The following MTMR3 variants were observed in gnomAD, a reference collection of about 807,000 sequenced individuals.
MTMR3 encodes myotubularin related protein 3, also known as phosphatidylinositol-3,5-bisphosphate 3-phosphatase MTMR3.
A neutral mutation model predicts 132.4 loss-of-function variants in MTMR3; 32 were observed. The ratio of observed to expected loss-of-function variants is 0.24; its 90% CI spans 0.18 to 0.32. The LOEUF is 0.32. Ranked by LOEUF, MTMR3 falls within the 10% of genes least tolerant of loss-of-function variation. The probability of loss-of-function intolerance (pLI) is 1.00; values close to 1 mark genes in which losing one functional copy is unlikely to be tolerated. For missense variants in MTMR3, 1,216 were observed against 1,489.6 expected, an observed-to-expected ratio of 0.82 and a Z score of 3.02; for synonymous variants, 556 against 550.3, an observed-to-expected ratio of 1.01 and a Z score of -0.14.
intron 2 of MTMR3, among the ~76,000 whole-genome samples, chr22:29,965,807 C>G (rs1282147996): frequency 6.6e-6 from 1 of 152,078 alleles, no homozygotes; most frequent in Non-Finnish European, 1.5e-5. Context: ...AGTTCAGTGT[C>G]ACTACAGATG....
intron 5 of MTMR3, chr22:29,979,679 C>G (rs1297006675): frequency 6.6e-6 from 1 of 152,454 alleles, no homozygotes; most frequent in Admixed American, 6.5e-5. Flanking sequence ...GGCTTTTATT[C>G]TGCAATCTTT....
chr22:29,894,103 C>T (rs1276231900), intron 1 of MTMR3, among the ~76,000 whole-genome samples: 2 of 152,190 alleles, frequency 1.3e-5, no homozygotes, highest in African/African-American at 4.8e-5. Context: ...TCTTGACCTT[C>T]CAAAGTGCTG....
At chr22:29,942,211 G>C (rs895871407) in intron 1 of MTMR3, among the ~76,000 whole-genome samples, 4 of 152,230 alleles carry the variant, frequency 2.6e-5, no homozygotes, top group African/African-American at 7.2e-5. Flanking sequence ...GTCTAGGGGA[G>C]ATGTCACATG....
At chr22:29,926,820 C>CA (rs748620991) in intron 1 of MTMR3, among the ~76,000 whole-genome samples, 8 of 152,150 alleles carry the variant, frequency 5.3e-5, no homozygotes, top group Non-Finnish European at 1.0e-4. Flanking sequence ...CTTTAAAGCA[C>CA]AAAAATGTTT....
At chr22:30,025,498 A>AT in intron 19 of MTMR3, 132 bp from the exon 20 acceptor site, 1 of 887,666 alleles carries the variant, frequency 1.1e-6, no homozygotes, top group Non-Finnish European at 1.8e-6. Context: ...GGCTAGAGAG[A>AT]TGAAAGGGTT....
chr22:29,921,815 A>T (rs1257920103), intron 1 of MTMR3, among the ~76,000 whole-genome samples: 2 of 151,080 alleles, frequency 1.3e-5, no homozygotes, highest in Admixed American at 6.6e-5. Context: ...TTCACTTAAC[A>T]TAATGTCTTT....
chr22:29,957,127 T>TC (rs1214203409), intron 2 of MTMR3, 39 bp downstream of exon 2: 1 of 118,374 alleles, frequency 8.4e-6, no homozygotes, highest in Non-Finnish European at 1.8e-5. Flanking sequence ...CCCGCCCCCC[T>TC]CCAATACTCT....
chr22:30,014,216 C>G (rs1309192971), intron 14 of MTMR3: 1 of 152,198 alleles, frequency 6.6e-6, no homozygotes, highest in Non-Finnish European at 1.5e-5. Flanking sequence ...TCTCTTAAAC[C>G]CACTTCAATC....
chr22:30,007,182 A>G lies in MTMR3; in HGVS notation c.740A>G (p.Asn247Ser). 6.2e-7 allele frequency: 1 copy of G among 1,614,172 alleles called. No individual in the cohort carries two copies. Among genetic ancestry groups the G allele is most frequent in the Non-Finnish European group, 8.5e-7 (1 of 1,180,020 alleles). Residue 247 changes from asparagine (N) to serine (S), a missense_variant, in exon 10 of 20, where the codon AAT (asparagine) becomes AGT (serine). Physicochemically the swap from Asn to Ser is conservative, Grantham distance 46. Transcript: ENST00000401950. Reference sequence around the variant, plus strand: ...GAGGTTAGCTGGTGGGGCTGGCGAAATGCAGATGATGAGCATCTGGTACAG... The same window carrying G: ...GAGGTTAGCTGGTGGGGCTGGCGAAGTGCAGATGATGAGCATCTGGTACAG... The part of the protein sequence containing the change: ...QPEVSWWGWR[N>S]ADDEHLVQSV...
At chr22:29,975,847 C>CT (rs1206243577) in intron 3 of MTMR3, among the ~76,000 whole-genome samples, 6 of 152,256 alleles carry the variant, frequency 3.9e-5, no homozygotes, top group African/African-American at 1.2e-4. Flanking sequence ...CTCAAGCGAT[C>CT]TGCCCACTGT....
At chr22:29,957,919 G>T (rs2066232135) in intron 2 of MTMR3, among the ~76,000 whole-genome samples, 1 of 151,958 alleles carries the variant, frequency 6.6e-6, no homozygotes, top group Admixed American at 6.6e-5. Flanking sequence ...TTTGTTATTA[G>T]TTGTTGTTAA....
intron 4 of MTMR3, 141 bp from the exon 5 acceptor site, chr22:29,978,795 T>C: frequency 1.4e-6 from 1 of 695,190 alleles, no homozygotes; most frequent in Non-Finnish European, 2.5e-6. Context: ...AAACCCATCC[T>C]CTTTAGCTTC....
At chr22:29,939,132 C>CTTA (rs1569014248) in intron 1 of MTMR3, among the ~76,000 whole-genome samples, 1 of 152,048 alleles carries the variant, frequency 6.6e-6, no homozygotes, top group Non-Finnish European at 1.5e-5. Context: ...GAAAACTATA[C>CTTA]GTTTTCTAAT....
rs533452202 is a variant in MTMR3 at position 29,887,151 on chromosome 22, A to G, written c.-138+3792A>G. Among the ~76,000 whole-genome samples, 88 of 152,270 alleles carry G rather than the reference A, an allele frequency of 5.8e-4. 1 individual carries two copies. In the South Asian group the frequency reaches 6.2e-3, roughly 11 times the overall value. On this transcript the variant is annotated intron_variant, in intron 1 of 19. Coordinates refer to ENST00000401950, the MANE Select transcript of MTMR3 (RefSeq NM_021090.4). ...TGTATCTAGAAACAATATACCTTTTAAGTTCATATTTGTATCAGATATTAA... is the reference window on the plus strand; with the variant it reads ...TGTATCTAGAAACAATATACCTTTTGAGTTCATATTTGTATCAGATATTAA...
intron 1 of MTMR3, among the ~76,000 whole-genome samples, chr22:29,948,545 G>GGGCGTACT (rs1477688441): frequency 1.3e-5 from 2 of 152,152 alleles, no homozygotes; most frequent in Non-Finnish European, 2.9e-5. Context: ...GGAATGGCAT[G>GGGCGTACT]CTTATTTATA....
intron 1 of MTMR3, among the ~76,000 whole-genome samples, chr22:29,925,067 CTG>C (rs1221104202): frequency 1.3e-5 from 2 of 152,208 alleles, no homozygotes; most frequent in Non-Finnish European, 2.9e-5. Flanking sequence ...AGAGCAAACT[CTG>C]TCACCCAGGC....
At chr22:29,913,907 G>A (rs764653068) in intron 1 of MTMR3, among the ~76,000 whole-genome samples, 1 of 151,916 alleles carries the variant, frequency 6.6e-6, no homozygotes, top group African/African-American at 2.4e-5. Flanking sequence ...TCATGCCACC[G>A]CACTCGGCTA....
Position 30,022,099 on chromosome 22 carries a change from C to T in MTMR3, c.3296C>T (p.Ser1099Phe). ...TCTCGCTGCAGCACAGAGATTTTCT[C>T]TGAAGCCAGCTGGGAGCAGGTGGAT... is the stretch of plus-strand genomic sequence containing the variant. ...CLSRCSTEIF[S>F]EASWEQVDKQ... Residue 1099 changes from serine (S) to phenylalanine (F), a missense_variant, in exon 18 of 20, where the codon TCT (serine) becomes TTT (phenylalanine). By Grantham distance (155) the Ser-to-Phe change is radical. This residue lies in a region of MTMR3 where 852 missense variants were observed against 852.0 expected (regional missense o/e 1.00). Transcript: ENST00000401950. 6.2e-7 allele frequency: 1 copy of T among 1,614,200 alleles called. No individual in the cohort carries two copies. Among genetic ancestry groups the T allele is most frequent in the Non-Finnish European group, 8.5e-7 (1 of 1,180,016 alleles).
At chr22:29,954,059 C>CTTTGTTTT (rs2066135937) in intron 1 of MTMR3, among the ~76,000 whole-genome samples, 2 of 79,426 alleles carry the variant, frequency 2.5e-5, no homozygotes, top group East Asian at 4.3e-4. Context: ...TCAAATGAGT[C>CTTTGTTTT]TTTTTTTTTT....
Sources: allele counts gnomAD v4.1 joint callset (sites outside exome capture counted in the v4.1 genomes callset), GRCh38; gene constraint gnomAD v4.1.1; regional missense constraint gnomAD v4.1.1; transcripts MANE v1.5; gene names NCBI Gene and HGNC (gene_info 2026-07-23, HGNC 2026-07-21).